Variants in PRELID2 observed in about 807,000 individuals in gnomAD.
PRELID2 encodes PRELI domain-containing protein 2.
PRELID2 carries 25 observed loss-of-function variants against 28.4 expected under a neutral mutation model. The observed-to-expected ratio is 0.88, with a 90% CI of 0.64 to 1.23. The LOEUF is 1.23. Ranked by LOEUF, PRELID2 falls within the 50% of genes most tolerant of loss-of-function variation. PRELID2 has a pLI of 0.00. For synonymous variants in PRELID2, 76 were observed against 71.6 expected (o/e 1.06, Z -0.31); for missense variants, 201 against 214.4 (o/e 0.94, Z 0.39).
the PRELID2 span, among the ~76,000 whole-genome samples, chr5:145,420,414 G>A: frequency 6.6e-6 from 1 of 151,210 alleles, no homozygotes; most frequent in Non-Finnish European, 1.5e-5. Context: ...TCCTGGAGCA[G>A]TGGTTTGTAG....
At chr5:145,379,733 A>G in the PRELID2 span, among the ~76,000 whole-genome samples, 1 of 152,144 alleles carries the variant, frequency 6.6e-6, no homozygotes, top group East Asian at 1.9e-4. Context: ...AGGGGAAGCT[A>G]CAGCATAAGG....
rs76235564 is a variant in PRELID2, at chr5:145,606,868, T to C, written n.71-133553A>G. On this transcript the variant is annotated intron_variant and non_coding_transcript_variant, in intron 1 of 2. Transcript: ENST00000510259. Reference sequence around the variant, plus strand: ...GCACTCCTTTTACATCTGGTAGAATTTGGCTGCGCTTTTTCTGGTTGGTAG... The same window carrying C: ...GCACTCCTTTTACATCTGGTAGAATCTGGCTGCGCTTTTTCTGGTTGGTAG... 8.0e-4 allele frequency among the ~76,000 whole-genome samples: 122 copies of C among 152,094 alleles called. No homozygotes were observed. In the East Asian group the frequency reaches 8.5e-3, roughly 11 times the overall value.
intron 1 of PRELID2, among the ~76,000 whole-genome samples, chr5:145,731,761 G>A (rs1019925): frequency 0.82 from 124,106 of 152,130 alleles, 51,038 homozygotes; most frequent in East Asian, 0.88. Context: ...GGCCATAAAG[G>A]TCTACCTTTC....
chr5:145,462,059 G>C, the PRELID2 span, among the ~76,000 whole-genome samples: 3 of 152,186 alleles, frequency 2.0e-5, no homozygotes, highest in Non-Finnish European at 4.4e-5. Flanking sequence ...CTGGAGTGTA[G>C]TCTATAGTAG....
At position 145,716,500 on chromosome 5, in the gene PRELID2, ATTTCTT is replaced by A. The variant is rs778855729; in HGVS notation, n.70+48425_70+48430del. Among the ~76,000 whole-genome samples, 5 of 152,184 alleles carry A rather than the reference ATTTCTT, an allele frequency of 3.3e-5. No homozygotes were observed. The South Asian group carries it at 1.0e-3, about 32-fold the overall frequency. Reference sequence around the variant, plus strand: ...TCAAGATTTCTTCTTCTATCTATATATTTCTTTTTAACTTTTTACTGTTATAACATT... The same window carrying A: ...TCAAGATTTCTTCTTCTATCTATATATTTAACTTTTTACTGTTATAACATT... On this transcript the variant is annotated intron_variant and non_coding_transcript_variant, in intron 1 of 2. Transcript: ENST00000510259.
chr5:145,696,538 T>C (rs1755266866), intron 1 of PRELID2, among the ~76,000 whole-genome samples: 1 of 152,200 alleles, frequency 6.6e-6, no homozygotes, highest in African/African-American at 2.4e-5. Context: ...CTCTGCTTAC[T>C]GAACCCTCGA....
At chr5:145,239,425 C>T in the PRELID2 span, among the ~76,000 whole-genome samples, 1 of 151,904 alleles carries the variant, frequency 6.6e-6, no homozygotes, top group East Asian at 1.9e-4. Context: ...GCACAGTATT[C>T]TGGGTCAGCA....
At chr5:145,750,825 A>G (rs1757105548) in intron 1 of PRELID2, among the ~76,000 whole-genome samples, 1 of 152,226 alleles carries the variant, frequency 6.6e-6, no homozygotes, top group Non-Finnish European at 1.5e-5. Flanking sequence ...AGCTGCACCA[A>G]TATAATTACA....
At chr5:145,285,671 C>T in the PRELID2 span, among the ~76,000 whole-genome samples, 1 of 152,080 alleles carries the variant, frequency 6.6e-6, no homozygotes, top group Non-Finnish European at 1.5e-5. Flanking sequence ...CAAAACCCTC[C>T]AGCATTAATC....
At chr5:145,379,038 G>T in the PRELID2 span, among the ~76,000 whole-genome samples, 1 of 151,788 alleles carries the variant, frequency 6.6e-6, no homozygotes, top group East Asian at 1.9e-4. Flanking sequence ...TTTGATTCTC[G>T]TATAAGGTTG....
At chr5:145,787,391 G>T (rs1752066463) in intron 5 of PRELID2, among the ~76,000 whole-genome samples, 1 of 152,084 alleles carries the variant, frequency 6.6e-6, no homozygotes, top group Non-Finnish European at 1.5e-5. Flanking sequence ...GGAAATTTTT[G>T]GTTTGAGATT....
chr5:145,459,984 T>C, the PRELID2 span, among the ~76,000 whole-genome samples: 1 of 152,050 alleles, frequency 6.6e-6, no homozygotes, highest in Non-Finnish European at 1.5e-5. Context: ...CTAATTTTTG[T>C]ATTTTTAGTA....
At chr5:145,558,304 T>C (rs748663559) in intron 1 of PRELID2, among the ~76,000 whole-genome samples, 39 of 152,162 alleles carry the variant, frequency 2.6e-4, no homozygotes, top group Non-Finnish European at 5.6e-4. Context: ...TTTGTAGAGG[T>C]TGTTGAAGGG....
At chr5:145,371,986 T>C in the PRELID2 span, among the ~76,000 whole-genome samples, 1 of 152,034 alleles carries the variant, frequency 6.6e-6, no homozygotes, top group East Asian at 1.9e-4. Flanking sequence ...TGTCTTCTGC[T>C]AGCTTTGGGA....
At chr5:145,569,330 C>T (rs1246489146) in intron 1 of PRELID2, among the ~76,000 whole-genome samples, 1 of 152,174 alleles carries the variant, frequency 6.6e-6, no homozygotes, top group African/African-American at 2.4e-5. Context: ...TAAACTTAAA[C>T]TATTTTTAAT....
intron 6 of PRELID2, among the ~76,000 whole-genome samples, chr5:145,761,513 C>T (rs750279899): frequency 4.6e-5 from 7 of 152,104 alleles, no homozygotes; most frequent in South Asian, 2.1e-4. Context: ...AGGGGTAAGA[C>T]GTGATCAAAC....
At chr5:145,273,987 G>T in the PRELID2 span, among the ~76,000 whole-genome samples, 1 of 152,096 alleles carries the variant, frequency 6.6e-6, no homozygotes, top group African/African-American at 2.4e-5. Context: ...TGAACGAGAG[G>T]GACAGGGGTG....
chr5:145,423,330 T>C, the PRELID2 span, among the ~76,000 whole-genome samples: 2 of 151,328 alleles, frequency 1.3e-5, no homozygotes, highest in South Asian at 4.2e-4. Flanking sequence ...CTGCAGAGTG[T>C]TTTCCAACTT....
intron 1 of PRELID2, among the ~76,000 whole-genome samples, chr5:145,675,878 G>T (rs1754803064): frequency 6.6e-6 from 1 of 152,174 alleles, no homozygotes; most frequent in South Asian, 2.1e-4. Context: ...AATAACAACT[G>T]CAATAGATTG....
Sources: gnomAD v4.1 joint callset for allele counts (sites outside exome capture counted in the v4.1 genomes callset) on GRCh38, gnomAD v4.1.1 for gene constraint, MANE v1.5 for transcripts, NCBI Gene and HGNC (gene_info 2026-07-23, HGNC 2026-07-21) for gene names.